The following MEGF11 variants were observed in gnomAD, a reference collection of about 807,000 sequenced individuals.
MEGF11 encodes multiple epidermal growth factor-like domains protein 11.
In MEGF11, 126 loss-of-function variants were observed where a neutral mutation model predicts 146.6. That is an observed-to-expected ratio of 0.86 (90% CI 0.74 to 1.00). The LOEUF (loss-of-function observed/expected upper bound fraction) is 1.00. Among genes scored for constraint, MEGF11 ranks in the 50% least tolerant of loss-of-function variants. The pLI, the probability that MEGF11 is intolerant of heterozygous loss-of-function variation, is 0.00. For synonymous variants in MEGF11, 532 were observed against 583.4 expected (o/e 0.91, Z 1.27); for missense variants, 1,509 against 1,521.2 (o/e 0.99, Z 0.13).
intron 5 of MEGF11, among the ~76,000 whole-genome samples, chr15:66,009,173 A>G (rs1437937137): frequency 6.6e-6 from 1 of 151,944 alleles, no homozygotes; most frequent in Non-Finnish European, 1.5e-5. Context: ...TTAATATTCA[A>G]CTAGCTGGAA....
rs1020919992 is a variant in MEGF11 at position 65,895,377 on chromosome 15, TA to T, written c.*2556del. ...GAACATATATTACAAATCTGTGATT[TA>T]AAAAAGTATTGCCGTTTCATAGTCT... On this transcript the variant is annotated 3_prime_UTR_variant, in exon 26 of 26. Coordinates refer to ENST00000395614, the MANE Select transcript of MEGF11 (RefSeq NM_001385028.1). 10 of 152,662 alleles carry T rather than the reference TA, an allele frequency of 6.6e-5. No homozygotes were observed. The highest frequency in any genetic ancestry group is 7.3e-5 in the Non-Finnish European group (5 of 68,034). The allele number at this position is 152,662 out of a possible 1,614,324, so 9.5% of individuals were successfully genotyped here.
chr15:66,084,627 G>A (rs1457453189), intron 5 of MEGF11, among the ~76,000 whole-genome samples: 6 of 152,178 alleles, frequency 3.9e-5, no homozygotes, highest in Non-Finnish European at 7.3e-5. Flanking sequence ...AAAATACAGG[G>A]GTAGAGGAAG....
chr15:65,899,968 G>A (rs531259577), intron 24 of MEGF11, among the ~76,000 whole-genome samples: 3 of 152,260 alleles, frequency 2.0e-5, no homozygotes, highest in African/African-American at 4.8e-5. Flanking sequence ...TGGGAGTTAC[G>A]GAAGGAAAGG....
At chr15:66,063,393 C>T (rs1242659666) in intron 5 of MEGF11, among the ~76,000 whole-genome samples, 1 of 152,190 alleles carries the variant, frequency 6.6e-6, no homozygotes, top group East Asian at 1.9e-4. Flanking sequence ...TCTTGGTGAG[C>T]AATGAGAGAA....
intron 1 of MEGF11, among the ~76,000 whole-genome samples, chr15:66,142,990 C>T (rs944678225): frequency 6.6e-5 from 10 of 152,174 alleles, no homozygotes; most frequent in Admixed American, 3.3e-4. Flanking sequence ...AGTTTGAAAG[C>T]CAAATCAGGA....
At chr15:66,218,566 G>A (rs1042522317) in intron 1 of MEGF11, among the ~76,000 whole-genome samples, 6 of 152,192 alleles carry the variant, frequency 3.9e-5, no homozygotes, top group South Asian at 2.1e-4. Flanking sequence ...GCACTGGAGC[G>A]GGGATGAAGG....
chr15:65,908,899 T>G, intron 23 of MEGF11, 135 bp downstream of exon 23: 5 of 599,876 alleles, frequency 8.3e-6, no homozygotes, highest in East Asian at 2.8e-5. Flanking sequence ...CTGGTAGACA[T>G]GTTGGGAGGG....
At position 66,117,625 on chromosome 15, in the gene MEGF11, C is replaced by T. The variant is rs570671940; in HGVS notation, c.301+1461G>A. Among the ~76,000 whole-genome samples the T allele has an allele frequency of 2.6e-5, 4 of 152,308 alleles. No homozygotes were observed. In the South Asian group the frequency reaches 6.2e-4, roughly 24 times the overall value. Reference sequence around the variant, plus strand: ...CACTGGGCCCTGAGCTTGCGCGGGCCGCTTACATCTGTCCCTGAGGCTTTG... The same window carrying T: ...CACTGGGCCCTGAGCTTGCGCGGGCTGCTTACATCTGTCCCTGAGGCTTTG... On this transcript the variant is annotated intron_variant, in intron 4 of 25. Coordinates refer to ENST00000395614, the MANE Select transcript of MEGF11 (RefSeq NM_001385028.1).
At position 66,043,523 on chromosome 15, in the gene MEGF11, G is replaced by A. The variant is rs540346074; in HGVS notation, c.394+50879C>T. On this transcript the variant is annotated intron_variant, in intron 5 of 25. Coordinates refer to ENST00000395614, the MANE Select transcript of MEGF11 (RefSeq NM_001385028.1). ...GCGAATGTAATTATGCCCGCGTGAT[G>A]TTGACACAAAAGAAGCCATATTTGA... Among the ~76,000 whole-genome samples, 9 of 152,368 alleles carry A rather than the reference G, an allele frequency of 5.9e-5. No homozygotes were observed. The South Asian group carries it at 6.2e-4, about 11-fold the overall frequency.
At chr15:66,069,198 C>A (rs1273594340) in intron 5 of MEGF11, among the ~76,000 whole-genome samples, 1 of 152,192 alleles carries the variant, frequency 6.6e-6, no homozygotes, top group African/African-American at 2.4e-5. Flanking sequence ...GCAAATATCC[C>A]TTACCGTCCA....
chr15:65,915,430 C>T (rs1296380409), intron 19 of MEGF11, 40 bp downstream of exon 19: 3 of 1,605,698 alleles, frequency 1.9e-6, no homozygotes, highest in Admixed American at 3.4e-5. Context: ...GCCATGGGGC[C>T]CTTTCCACAG....
At chr15:66,212,962 GC>G in intron 1 of MEGF11, among the ~76,000 whole-genome samples, 1 of 152,250 alleles carries the variant, frequency 6.6e-6, no homozygotes, top group Non-Finnish European at 1.5e-5. Flanking sequence ...AGCCCCTCAT[GC>G]CCCGCCCAGG....
chr15:66,000,793 A>G (rs1226535575), intron 5 of MEGF11, among the ~76,000 whole-genome samples: 1 of 152,256 alleles, frequency 6.6e-6, no homozygotes, highest in African/African-American at 2.4e-5. Context: ...AAAAAAGACA[A>G]TGGCTAAATC....
chr15:66,017,906 G>C (rs1025355618), intron 5 of MEGF11, among the ~76,000 whole-genome samples: 1 of 152,218 alleles, frequency 6.6e-6, no homozygotes, highest in African/African-American at 2.4e-5. Flanking sequence ...AGAGATGAGA[G>C]GCAGGCCCTC....
At chr15:65,944,899 T>G (rs1277768277) in intron 10 of MEGF11, among the ~76,000 whole-genome samples, 1 of 103,410 alleles carries the variant, frequency 9.7e-6, no homozygotes, top group East Asian at 2.3e-4. Flanking sequence ...AACTCTCAGG[T>G]TTTTTTTTTT....
At chr15:66,039,993 G>A (rs898393100) in intron 5 of MEGF11, among the ~76,000 whole-genome samples, 18 of 148,702 alleles carry the variant, frequency 1.2e-4, no homozygotes, top group Admixed American at 5.4e-4. Flanking sequence ...TCCTGAGCCG[G>A]GTCAGGCGGC....
intron 4 of MEGF11, among the ~76,000 whole-genome samples, chr15:66,101,012 T>G (rs1436029929): frequency 1.5e-4 from 9 of 60,734 alleles, no homozygotes; most frequent in Admixed American, 4.7e-4. Context: ...GATGGGCACG[T>G]GGGTGGGTGG....
At chr15:66,153,418 C>T (rs977671167) in intron 1 of MEGF11, among the ~76,000 whole-genome samples, 9 of 152,004 alleles carry the variant, frequency 5.9e-5, no homozygotes, top group Non-Finnish European at 1.2e-4. Flanking sequence ...ACTAAAAATA[C>T]AAAAATTAGC....
chr15:66,191,326 C>T (rs1414154442), intron 1 of MEGF11, among the ~76,000 whole-genome samples: 2 of 152,128 alleles, frequency 1.3e-5, no homozygotes, highest in Admixed American at 6.5e-5. Context: ...AAGGATTCGG[C>T]TTTTAAGGTC....
Sources: allele counts gnomAD v4.1 joint callset (sites outside exome capture counted in the v4.1 genomes callset), GRCh38; gene constraint gnomAD v4.1.1; transcripts MANE v1.5; gene names NCBI Gene and HGNC (gene_info 2026-07-23, HGNC 2026-07-21).